The following NIPBL variants were observed in gnomAD, a reference collection of about 807,000 sequenced individuals.
NIPBL encodes the protein nipped-B-like protein.
In NIPBL, 19 loss-of-function variants were observed where a neutral mutation model predicts 321.8. The ratio of observed to expected loss-of-function variants is 0.06; its 90% CI spans 0.04 to 0.09. NIPBL has a LOEUF of 0.09. Among genes scored for constraint, NIPBL ranks in the 10% least tolerant of loss-of-function variants. NIPBL has a pLI of 1.00. For missense variants in NIPBL, 2,210 were observed against 3,327.0 expected (o/e 0.66, Z 8.26); for synonymous variants, 1,106 against 1,114.1 (o/e 0.99, Z 0.14).
chr5:37,026,624 C>T lies in NIPBL; in HGVS notation c.5808+297C>T, dbSNP rs1254931744. ...GGAGAAATGGAAGAACAGATACAAT[C>T]GCCCAAGGGTAATAATCTGCAAAGA... On this transcript the variant is annotated intron_variant, in intron 31 of 46. Coordinates refer to ENST00000282516, the MANE Select transcript of NIPBL (RefSeq NM_133433.4). 2.0e-5 allele frequency among the ~76,000 whole-genome samples: 3 copies of T among 152,184 alleles called. No homozygotes were observed. The East Asian group carries it at 5.8e-4, about 29-fold the overall frequency.
chr5:36,932,049 A>T (rs555908197), intron 1 of NIPBL, among the ~76,000 whole-genome samples: 1 of 152,030 alleles, frequency 6.6e-6, no homozygotes, highest in Non-Finnish European at 1.5e-5. Flanking sequence ...TCTTTGACCC[A>T]TTGATTTTCT....
chr5:37,055,337 C>T lies in NIPBL; in HGVS notation c.7264-1849C>T, dbSNP rs1470570576. ...ACTGCACTCCAGCTGAGCGACAGAG[C>T]GAGACTCCATCTCAACAGTAAAAAA... On this transcript the variant is annotated intron_variant, in intron 42 of 46. Coordinates refer to ENST00000282516, the MANE Select transcript of NIPBL (RefSeq NM_133433.4). 2.3e-5 allele frequency among the ~76,000 whole-genome samples: 3 copies of T among 129,004 alleles called. No homozygotes were observed. In the East Asian group the frequency reaches 6.5e-4, roughly 28 times the overall value. 84.6% of individuals were successfully genotyped at this position (129,004 alleles called of 152,430 possible).
intron 6 of NIPBL, among the ~76,000 whole-genome samples, chr5:36,970,260 C>T (rs1018013450): frequency 6.6e-5 from 10 of 151,792 alleles, no homozygotes; most frequent in African/African-American, 2.4e-4. Context: ...GTGGCAGTTT[C>T]CTGTAGTCCT....
chr5:37,033,157 C>T (rs1378714628), intron 32 of NIPBL, among the ~76,000 whole-genome samples: 2 of 152,174 alleles, frequency 1.3e-5, no homozygotes, highest in Non-Finnish European at 2.9e-5. Flanking sequence ...ATTCCTTAAT[C>T]TGACAGATAA....
chr5:37,045,747 C>A, intron 37 of NIPBL, 150 bp downstream of exon 37: 2 of 781,646 alleles, frequency 2.6e-6, no homozygotes, highest in Non-Finnish European at 4.2e-6. Flanking sequence ...AAACGTGGTC[C>A]TCAGACTGGC....
At chr5:36,973,591 C>T (rs1039035835) in intron 8 of NIPBL, among the ~76,000 whole-genome samples, 1 of 152,160 alleles carries the variant, frequency 6.6e-6, no homozygotes, top group Non-Finnish European at 1.5e-5. Context: ...CCTCAGCCTC[C>T]TGAGTAGCTG....
At position 37,042,821 on chromosome 5, in the gene NIPBL, G is replaced by A. The variant is rs1211298553; in HGVS notation, c.6109-1526G>A. On this transcript the variant is annotated intron_variant, in intron 34 of 46. Coordinates refer to ENST00000282516, the MANE Select transcript of NIPBL (RefSeq NM_133433.4). ...AGCCTGGATGACAGAGCGAGACTCC[G>A]TCTCAAAAAAAAAAAAGAAAGGAAA... 8.3e-5 allele frequency among the ~76,000 whole-genome samples: 12 copies of A among 144,752 alleles called. No homozygotes were observed. The South Asian group carries it at 2.2e-3, about 26-fold the overall frequency. The allele number at this position is 144,752 out of a possible 152,430, so 95.0% of individuals were successfully genotyped here.
rs80358354 is a variant in NIPBL, at chr5:37,006,398, T to C, written c.3897T>C (p.Leu1299=). Residue 1299 remains leucine (L), a synonymous_variant, in exon 17 of 47, where the codon CTT becomes CTC. Transcript: ENST00000282516. The part of the protein sequence containing the change: ...TEEEERLWRD[L]IMERVTKSAD... ...AAGAAGAAAGGTTATGGAGAGACCTTATTATGGAGAGAGTTACAAAATCAG... is the reference window on the plus strand; with the variant it reads ...AAGAAGAAAGGTTATGGAGAGACCTCATTATGGAGAGAGTTACAAAATCAG... 4.7e-4 allele frequency: 757 copies of C among 1,610,946 alleles called. No homozygotes were observed. In the African/African-American group the frequency reaches 9.2e-3, roughly 20 times the overall value.
chr5:37,019,616 TTG>T (rs1329056749), intron 25 of NIPBL, among the ~76,000 whole-genome samples: 5 of 152,228 alleles, frequency 3.3e-5, no homozygotes, highest in African/African-American at 1.2e-4. Flanking sequence ...TGTACTAAAA[TTG>T]TGTGACAAGA....
At chr5:36,919,685 T>C (rs1274243458) in intron 1 of NIPBL, among the ~76,000 whole-genome samples, 1 of 152,168 alleles carries the variant, frequency 6.6e-6, no homozygotes, top group Non-Finnish European at 1.5e-5. Context: ...AAAGAAGATA[T>C]TTTCATTTAA....
At chr5:36,893,294 A>T (rs970642041) in intron 1 of NIPBL, among the ~76,000 whole-genome samples, 1 of 152,228 alleles carries the variant, frequency 6.6e-6, no homozygotes, top group Non-Finnish European at 1.5e-5. Context: ...TAAATTTTAA[A>T]ATGGCAGTAG....
intron 32 of NIPBL, among the ~76,000 whole-genome samples, chr5:37,031,688 T>A (rs1751035153): frequency 1.3e-5 from 2 of 152,218 alleles, no homozygotes; most frequent in South Asian, 4.1e-4. Context: ...GAGTTTACAA[T>A]AAAATATTTT....
In NIPBL at chr5:37,002,675, A is replaced by G; in HGVS notation, c.3678A>G (p.Glu1226=). 6.2e-7 allele frequency: 1 copy of G among 1,610,340 alleles called. No homozygotes were observed. The highest frequency in any genetic ancestry group is 1.3e-5 in the African/African-American group (1 of 74,944). The part of the protein sequence containing the change: ...MDFTAFGDDD[E]IPQELLLGKH... ...TTGATTTTGCAGGTGATGATGATGA[A>G]ATTCCTCAGGAACTGCTCTTAGGAA... The change falls in exon 15 of 47, where the codon GAA becomes GAG. Residue 1226 remains glutamate, a synonymous_variant. Transcript: ENST00000282516.
chr5:36,878,941 T>C (rs1745301038), intron 1 of NIPBL, among the ~76,000 whole-genome samples: 2 of 141,840 alleles, frequency 1.4e-5, no homozygotes, highest in African/African-American at 2.6e-5. Context: ...TGTTAGACAC[T>C]GTTTGCTACG....
At chr5:36,979,395 G>A (rs1432690226) in intron 9 of NIPBL, among the ~76,000 whole-genome samples, 2 of 151,806 alleles carry the variant, frequency 1.3e-5, no homozygotes, top group African/African-American at 2.4e-5. Context: ...CAGCTCGAAC[G>A]TTATTGGTGT....
At chr5:37,011,095 C>T (rs778672982) in intron 21 of NIPBL, among the ~76,000 whole-genome samples, 10 of 152,016 alleles carry the variant, frequency 6.6e-5, no homozygotes, top group East Asian at 3.8e-4. Flanking sequence ...TAGCTCATGC[C>T]GACGATTTGC....
intron 1 of NIPBL, among the ~76,000 whole-genome samples, chr5:36,938,619 T>C (rs1274768090): frequency 1.3e-5 from 2 of 152,186 alleles, no homozygotes; most frequent in Non-Finnish European, 2.9e-5. Flanking sequence ...CTTTGTTCAG[T>C]GATAAAAATC....
chr5:37,036,353 ATATATATATATATATG>A lies in NIPBL; in HGVS notation c.5863-17_5863-2del. On this transcript the variant is annotated splice_polypyrimidine_tract_variant and intron_variant, in intron 32 of 46. Transcript: ENST00000282516. ...CTTTTTTGTATATATATATGTATAT[ATATATATATATATATG>A]TATATATAGTTGTTGAAGTCCGAAG... The A allele has an allele frequency of 2.0e-6, 1 of 489,074 alleles. No individual in the cohort carries two copies. The highest frequency in any genetic ancestry group is 3.1e-6 in the Non-Finnish European group (1 of 323,494). 30.3% of individuals were successfully genotyped at this position (489,074 alleles called of 1,614,324 possible).
chr5:36,885,492 G>T, intron 1 of NIPBL: 1 of 500,862 alleles, frequency 2.0e-6, no homozygotes, highest in South Asian at 1.5e-5. Flanking sequence ...TACCTGGACA[G>T]AGTGAGGAGC....
Sources: allele counts gnomAD v4.1 joint callset (sites outside exome capture counted in the v4.1 genomes callset), GRCh38; gene constraint gnomAD v4.1.1; transcripts MANE v1.5; gene names NCBI Gene and HGNC (gene_info 2026-07-23, HGNC 2026-07-21).